Variants in EPHB3 observed in about 807,000 individuals in gnomAD.
EPHB3 encodes the protein EPH receptor B3.
A neutral mutation model predicts 100.2 loss-of-function variants in EPHB3; 33 were observed. The observed-to-expected ratio is 0.33, with a 90% CI of 0.25 to 0.44. The LOEUF (loss-of-function observed/expected upper bound fraction) is 0.44. EPHB3 is among the 20% of genes least tolerant of loss of function. The pLI, the probability that EPHB3 is intolerant of heterozygous loss-of-function variation, is 1.00. For synonymous variants in EPHB3, 526 were observed against 554.7 expected, an observed-to-expected ratio of 0.95 and a Z score of 0.73; for missense variants, 1,045 against 1,378.3, an observed-to-expected ratio of 0.76 and a Z score of 3.83.
rs1441287553 is a variant in EPHB3 at position 184,565,783 on chromosome 3, A to G, written c.118+3430A>G. Among the ~76,000 whole-genome samples the G allele has an allele frequency of 6.6e-6, 1 of 152,164 alleles. No homozygotes were observed. The highest frequency in any genetic ancestry group is 1.5e-5 in the Non-Finnish European group (1 of 68,024). On this transcript the variant is annotated intron_variant, in intron 1 of 15. Coordinates refer to ENST00000330394, the MANE Select transcript of EPHB3 (RefSeq NM_004443.4). The surrounding 1 kb of genome is among the most constrained non-coding windows in gnomAD (Gnocchi z 4.8). ...CTGCTGGGGGCCGGCAGGTATTTGG[A>G]AGAACCAGTTTGCTCAGCACTGCCC...
rs746654807 is a variant in EPHB3, at chr3:184,577,863, G to T, written c.1640-35G>T. On this transcript the variant is annotated intron_variant, in intron 7 of 15. Coordinates refer to ENST00000330394, the MANE Select transcript of EPHB3 (RefSeq NM_004443.4). This position sits in a 1 kb window ranked among gnomAD's most constrained non-coding sequence, Gnocchi z 4.9. ...GTCCCCATCGCGGCCCTCACTCTCTGTCCCTCCACTCAGCAGCCCCTTCTC... is the reference window on the plus strand; with the variant it reads ...GTCCCCATCGCGGCCCTCACTCTCTTTCCCTCCACTCAGCAGCCCCTTCTC... The T allele has an allele frequency of 6.2e-7, 1 of 1,610,028 alleles. No individual in the cohort carries two copies.
Position 184,562,489 on chromosome 3 carries a change from G to A in EPHB3, c.118+136G>A, listed in dbSNP as rs1714282253. The A allele has an allele frequency of 8.9e-7, 1 of 1,120,972 alleles. No homozygotes were observed. The highest frequency in any genetic ancestry group is 4.9e-5 in the Admixed American group (1 of 20,498). The allele number at this position is 1,120,972 out of a possible 1,614,324, so 69.4% of individuals were successfully genotyped here. ...CACCGGCGCCCGCTCCGGGGCCCAGGGATGGGGTGGGGAGGCCGCCCCTGG... is the reference window on the plus strand; with the variant it reads ...CACCGGCGCCCGCTCCGGGGCCCAGAGATGGGGTGGGGAGGCCGCCCCTGG... On this transcript the variant is annotated intron_variant, in intron 1 of 15. Transcript: ENST00000330394. This position sits in a 1 kb window ranked among gnomAD's most constrained non-coding sequence, Gnocchi z 4.8.
intron 1 of EPHB3, among the ~76,000 whole-genome samples, chr3:184,570,189 G>A (rs948941433): frequency 1.3e-5 from 2 of 152,196 alleles, no homozygotes; most frequent in Non-Finnish European, 2.9e-5. Flanking sequence ...CCCTGACTTG[G>A]AGGTTCACGG....
rs1269515549 is a variant in EPHB3, at chr3:184,577,255, G to C, written c.1354+72G>C. 6.3e-7 allele frequency: 1 copy of C among 1,580,244 alleles called. No homozygotes were observed. Among genetic ancestry groups the C allele is most frequent in the African/African-American group, 1.3e-5 (1 of 74,194 alleles). On this transcript the variant is annotated intron_variant, in intron 5 of 15. Coordinates refer to ENST00000330394, the MANE Select transcript of EPHB3 (RefSeq NM_004443.4). This position sits in a 1 kb window ranked among gnomAD's most constrained non-coding sequence, Gnocchi z 4.9. ...GATGAGGTGTCCCAGGACCTGCTAAGGGACCACTGGGGGTCCCATGGGAAG... is the reference window on the plus strand; with the variant it reads ...GATGAGGTGTCCCAGGACCTGCTAACGGACCACTGGGGGTCCCATGGGAAG...
chr3:184,580,359 G>C, intron 11 of EPHB3, 43 bp from the exon 12 acceptor site: 2 of 1,612,740 alleles, frequency 1.2e-6, no homozygotes, highest in South Asian at 1.1e-5. Context: ...GCCATGGGCT[G>C]ATGGGAGCAA....
Position 184,577,411 on chromosome 3 carries a change from C to T in EPHB3, c.1423C>T (p.Pro475Ser). The T allele has an allele frequency of 1.2e-6, 2 of 1,614,028 alleles. No individual in the cohort carries two copies. The highest frequency in any genetic ancestry group is 1.7e-6 in the Non-Finnish European group (2 of 1,180,024). The change falls in exon 6 of 16, where the codon CCC (proline) becomes TCC (serine). Residue 475 changes from proline (P) to serine (S), a missense_variant. Physicochemically the swap from Pro to Ser is moderately conservative, Grantham distance 74 (BLOSUM62 -1). This residue lies in a region of EPHB3 where 985 missense variants were observed against 1,331.1 expected (regional missense o/e 0.74). Coordinates refer to ENST00000330394, the MANE Select transcript of EPHB3 (RefSeq NM_004443.4). The surrounding 1 kb of genome is among the most constrained non-coding windows in gnomAD (Gnocchi z 4.9). Reference protein sequence around the residue: ...SGSSLTLSWAPPERPNGVILD... With the variant: ...SGSSLTLSWASPERPNGVILD... Reference sequence around the variant, plus strand: ...CAGCAGCCTCACCCTATCCTGGGCACCCCCAGAGCGGCCCAACGGAGTCAT... The same window carrying T: ...CAGCAGCCTCACCCTATCCTGGGCATCCCCAGAGCGGCCCAACGGAGTCAT...
At position 184,579,903 on chromosome 3, in the gene EPHB3, T is replaced by C. The variant is rs767844481; in HGVS notation, c.2141T>C (p.Met714Thr). The C allele has an allele frequency of 1.9e-6, 3 of 1,613,906 alleles. No individual in the cohort carries two copies. Among genetic ancestry groups the C allele is most frequent in the Non-Finnish European group, 1.7e-6 (2 of 1,179,966 alleles). Residue 714 changes from methionine (M) to threonine (T), a missense_variant, in exon 11 of 16, where the codon ATG becomes ACG. By Grantham distance (81) the Met-to-Thr change is moderately conservative. Around this residue, in one of 2 missense-constraint regions of EPHB3, gnomAD observed 985 missense variants for 1,331.1 expected, o/e 0.74. Coordinates refer to ENST00000330394, the MANE Select transcript of EPHB3 (RefSeq NM_004443.4). The surrounding 1 kb of genome is among the most constrained non-coding windows in gnomAD (Gnocchi z 5.2). ...CCAGTTATGATCCTCACTGAGTTCA[T>C]GGAAAACTGCGCCCTGGACTCCTTC... ...SRPVMILTEF[M>T]ENCALDSFLR...
At chr3:184,576,077 A>G in intron 4 of EPHB3, 92 bp downstream of exon 4, 1 of 1,447,946 alleles carries the variant, frequency 6.9e-7, no homozygotes, top group South Asian at 1.5e-5. Flanking sequence ...GAATAGCCCC[A>G]TTTTCCAGGG....
At chr3:184,568,754 C>G (rs1164577088) in intron 1 of EPHB3, among the ~76,000 whole-genome samples, 3 of 152,236 alleles carry the variant, frequency 2.0e-5, no homozygotes, top group Non-Finnish European at 4.4e-5. Flanking sequence ...CGGCCCCCTC[C>G]CCACCGGAGT....
intron 1 of EPHB3, among the ~76,000 whole-genome samples, chr3:184,566,407 C>T (rs920160559): frequency 2.0e-5 from 3 of 152,224 alleles, no homozygotes; most frequent in Non-Finnish European, 2.9e-5. Flanking sequence ...ATGTTCCCCC[C>T]ACCCCATCCC....
At position 184,581,000 on chromosome 3, in the gene EPHB3, G is replaced by A. The variant is rs563209426; in HGVS notation, c.2567G>A (p.Arg856Gln). ...ATCAATGCCGTGGAGCAGGATTACC[G>A]GCTGCCACCACCCATGGACTGTCCC... ...DVINAVEQDY[R>Q]LPPPMDCPTA... Residue 856 changes from arginine to glutamine, a missense_variant, in exon 14 of 16, where the codon CGG becomes CAG. This residue lies in a region of EPHB3 where 985 missense variants were observed against 1,331.1 expected (regional missense o/e 0.74). Transcript: ENST00000330394. 3.1e-6 allele frequency: 5 copies of A among 1,612,768 alleles called. No homozygotes were observed. Among genetic ancestry groups the A allele is most frequent in the East Asian group, 2.2e-5 (1 of 44,812 alleles).
rs1443386745 is a variant in EPHB3, at chr3:184,581,061, G to A, written c.2628G>A (p.Val876=). 5 of 1,614,204 alleles carry A rather than the reference G, an allele frequency of 3.1e-6. No homozygotes were observed. Among genetic ancestry groups the A allele is most frequent in the Non-Finnish European group, 4.2e-6 (5 of 1,180,034 alleles). The change falls in exon 14 of 16, where the codon GTG becomes GTA. Residue 876 remains valine (V), a synonymous_variant. Transcript: ENST00000330394. ...ALHQLMLDCW[V]RDRNLRPKFS... ...ACCAGCTCATGCTGGACTGCTGGGTGCGGGACCGGAACCTCAGGCCCAAAT... is the reference window on the plus strand; with the variant it reads ...ACCAGCTCATGCTGGACTGCTGGGTACGGGACCGGAACCTCAGGCCCAAAT...
In EPHB3 at chr3:184,565,703, C is replaced by T. The variant is rs1166879693; in HGVS notation, c.118+3350C>T. On this transcript the variant is annotated intron_variant, in intron 1 of 15. Transcript: ENST00000330394. The surrounding 1 kb of genome is among the most constrained non-coding windows in gnomAD (Gnocchi z 4.8). Reference sequence around the variant, plus strand: ...AGGGCTTGCTCACTTGTTTGAGTTGCCTCTGGCACCCCCAAACCCCATCCC... The same window carrying T: ...AGGGCTTGCTCACTTGTTTGAGTTGTCTCTGGCACCCCCAAACCCCATCCC... Among the ~76,000 whole-genome samples the T allele has an allele frequency of 6.6e-6, 1 of 152,202 alleles. No homozygotes were observed. The highest frequency in any genetic ancestry group is 1.5e-5 in the Non-Finnish European group (1 of 68,048).
rs183719328 is a variant in EPHB3, at chr3:184,573,413, G to A, written c.856+237G>A. On this transcript the variant is annotated intron_variant, in intron 3 of 15. Transcript: ENST00000330394. The surrounding 1 kb of genome is among the most constrained non-coding windows in gnomAD (Gnocchi z 4.5). ...GTAAGAGAAAAAATGACATTAAAGA[G>A]AGAGGAAGAGAAGCATGCAGAATCC... is the stretch of plus-strand genomic sequence containing the variant. Among the ~76,000 whole-genome samples, 208 of 152,324 alleles carry A rather than the reference G, an allele frequency of 1.4e-3. No individual in the cohort carries two copies. The highest frequency in any genetic ancestry group is 2.5e-3 in the East Asian group (13 of 5,182).
Position 184,578,892 on chromosome 3 carries a change from C to T in EPHB3, c.1801+426C>T, listed in dbSNP as rs1262941408. Among the ~76,000 whole-genome samples, 1 of 151,928 alleles carries T rather than the reference C, an allele frequency of 6.6e-6. No homozygotes were observed. The highest frequency in any genetic ancestry group is 1.5e-5 in the Non-Finnish European group (1 of 68,014). ...GGAGGTGAGGGAGAGCATTCCTGGC[C>T]AGAGGAGCCTCTGGAAGGTAGTGGG... On this transcript the variant is annotated intron_variant, in intron 9 of 15. Coordinates refer to ENST00000330394, the MANE Select transcript of EPHB3 (RefSeq NM_004443.4). This position sits in a 1 kb window ranked among gnomAD's most constrained non-coding sequence, Gnocchi z 4.7.
rs1215616084 is a variant in EPHB3 at position 184,573,395 on chromosome 3, A to C, written c.856+219A>C. Among the ~76,000 whole-genome samples, 1 of 152,160 alleles carries C rather than the reference A, an allele frequency of 6.6e-6. No homozygotes were observed. The highest frequency in any genetic ancestry group is 1.9e-4 in the East Asian group (1 of 5,200). Reference sequence around the variant, plus strand: ...AGGAGAGACACAAGGATAGTAAGAGAAAAAATGACATTAAAGAGAGAGGAA... The same window carrying C: ...AGGAGAGACACAAGGATAGTAAGAGCAAAAATGACATTAAAGAGAGAGGAA... On this transcript the variant is annotated intron_variant, in intron 3 of 15. Transcript: ENST00000330394. This position sits in a 1 kb window ranked among gnomAD's most constrained non-coding sequence, Gnocchi z 4.5.
chr3:184,574,401 G>A (rs1714622213), intron 3 of EPHB3, among the ~76,000 whole-genome samples: 1 of 152,230 alleles, frequency 6.6e-6, no homozygotes, highest in Non-Finnish European at 1.5e-5. Flanking sequence ...TAAGGAAACT[G>A]AGTCTTGGAG....
In EPHB3 at chr3:184,577,068, C is replaced by G; in HGVS notation, c.1239C>G (p.Ser413Arg). ...TGACGGAGCGCCGGGTCCACATCAG[C>G]CATCTGCTGGCCCACACGCGCTACA... ...LGLTERRVHI[S>R]HLLAHTRYTF... Residue 413 changes from serine (S) to arginine (R), a missense_variant, in exon 5 of 16, where the codon AGC becomes AGG. Ser to Arg is a moderately radical substitution (Grantham distance 110, BLOSUM62 -1). Coordinates refer to ENST00000330394, the MANE Select transcript of EPHB3 (RefSeq NM_004443.4). The surrounding 1 kb of genome is among the most constrained non-coding windows in gnomAD (Gnocchi z 4.9). 6.2e-7 allele frequency: 1 copy of G among 1,613,696 alleles called. No homozygotes were observed. The highest frequency in any genetic ancestry group is 2.2e-5 in the East Asian group (1 of 44,874).
chr3:184,565,850 G>A lies in EPHB3; in HGVS notation c.118+3497G>A, dbSNP rs894544712. On this transcript the variant is annotated intron_variant, in intron 1 of 15. Coordinates refer to ENST00000330394, the MANE Select transcript of EPHB3 (RefSeq NM_004443.4). This position sits in a 1 kb window ranked among gnomAD's most constrained non-coding sequence, Gnocchi z 4.8. ...TGCTGCTGCTGCCACTGCAGCTTCA[G>A]CGGCTGCTGCGAGCTGAAGCCGAAG... 2.8e-4 allele frequency among the ~76,000 whole-genome samples: 43 copies of A among 152,264 alleles called. No individual in the cohort carries two copies. The highest frequency in any genetic ancestry group is 1.0e-3 in the African/African-American group (42 of 41,480).
Sources: allele counts gnomAD v4.1 joint callset (sites outside exome capture counted in the v4.1 genomes callset), GRCh38; gene constraint gnomAD v4.1.1; regional missense constraint gnomAD v4.1.1; non-coding constraint Gnocchi (gnomAD v3.1); transcripts MANE v1.5; gene names NCBI Gene and HGNC (gene_info 2026-07-23, HGNC 2026-07-21).